Variants in RXRA observed in about 807,000 individuals in gnomAD.
The protein encoded by RXRA is retinoid X receptor alpha, also known as retinoic acid receptor RXR-alpha.
A neutral mutation model predicts 44.5 loss-of-function variants in RXRA; 5 were observed. The ratio of observed to expected loss-of-function variants is 0.11; its 90% CI spans 0.06 to 0.24. The LOEUF (loss-of-function observed/expected upper bound fraction) is 0.24. Ranked by LOEUF, RXRA falls within the 10% of genes least tolerant of loss-of-function variation. The pLI, the probability that RXRA is intolerant of heterozygous loss-of-function variation, is 1.00. For missense variants in RXRA, 412 were observed against 646.5 expected (o/e 0.64, Z 3.93); for synonymous variants, 291 against 271.4 (o/e 1.07, Z -0.71).
intron 1 of RXRA, among the ~76,000 whole-genome samples, chr9:134,381,983 T>G (rs1358911933): frequency 2.0e-5 from 3 of 152,126 alleles, no homozygotes; most frequent in African/African-American, 7.2e-5. Flanking sequence ...TAGCAGTCAG[T>G]GTGCCCTCCC....
At chr9:134,393,556 C>T (rs911401118) in intron 1 of RXRA, among the ~76,000 whole-genome samples, 13 of 152,186 alleles carry the variant, frequency 8.5e-5, no homozygotes, top group South Asian at 4.1e-4. Context: ...CTGCAAGACT[C>T]GGGGAAGGTG....
chr9:134,422,027 C>G, intron 6 of RXRA: 1 of 1,435,600 alleles, frequency 7.0e-7, no homozygotes, highest in South Asian at 1.3e-5. Context: ...CTCCCCCCTC[C>G]CTGGATGCTC....
At chr9:134,427,769 C>T (rs914986540) in intron 6 of RXRA, among the ~76,000 whole-genome samples, 1 of 152,238 alleles carries the variant, frequency 6.6e-6, no homozygotes, top group Non-Finnish European at 1.5e-5. Context: ...ATCACTTACC[C>T]CCTCATGCCT....
At chr9:134,414,233 G>C (rs765055593) in intron 4 of RXRA, among the ~76,000 whole-genome samples, 5 of 152,262 alleles carry the variant, frequency 3.3e-5, no homozygotes, top group Admixed American at 2.6e-4. Flanking sequence ...GGAGGAGGCA[G>C]GTGCCAAGGA....
chr9:134,379,720 G>A lies in RXRA; in HGVS notation c.29-21912G>A, dbSNP rs1041107934. The A allele has an allele frequency of 5.1e-6, 5 of 985,294 alleles. No individual in the cohort carries two copies. The East Asian group carries it at 4.5e-4, about 89-fold the overall frequency. 61.0% of individuals were successfully genotyped at this position (985,294 alleles called of 1,614,324 possible). On this transcript the variant is annotated intron_variant, in intron 1 of 9. Transcript: ENST00000481739. ...ATGAGAAAACCTGAGGCCCAGCCTG[G>A]GCGGGTTCGTGGGTCCAGCTCAGCC... is the stretch of plus-strand genomic sequence containing the variant.
At chr9:134,361,311 G>A (rs1039674009) in intron 1 of RXRA, among the ~76,000 whole-genome samples, 2 of 152,188 alleles carry the variant, frequency 1.3e-5, no homozygotes, top group Non-Finnish European at 2.9e-5. Context: ...AGCCCTGCCT[G>A]CCATGCCTCC....
chr9:134,385,486 G>A (rs968809624), intron 1 of RXRA, among the ~76,000 whole-genome samples: 1 of 152,204 alleles, frequency 6.6e-6, no homozygotes, highest in African/African-American at 2.4e-5. Context: ...GTGACTCCCT[G>A]CTTGTTTCCT....
chr9:134,339,690 T>C (rs1316918634), intron 1 of RXRA, among the ~76,000 whole-genome samples: 26 of 150,004 alleles, frequency 1.7e-4, no homozygotes, highest in Non-Finnish European at 3.6e-4. Context: ...TGTGTGTGTG[T>C]CTCTGTGTGT....
chr9:134,354,953 C>G (rs1830265486), intron 1 of RXRA, among the ~76,000 whole-genome samples: 1 of 152,216 alleles, frequency 6.6e-6, no homozygotes, highest in Admixed American at 6.5e-5. Flanking sequence ...GGAGCCTGTC[C>G]TGGAGTTCTG....
rs34517291 is a variant in RXRA, at chr9:134,426,868, C to T, written c.911-2240C>T. 1.1e-3 allele frequency: 1,092 copies of T among 985,386 alleles called. 16 individuals are homozygous for T. In the African/African-American group the frequency reaches 0.016, roughly 14 times the overall value. The allele number at this position is 985,386 out of a possible 1,614,324, so 61.0% of individuals were successfully genotyped here. ...CCCCCTGGGTCCCTGCCCTTGGCCA[C>T]AGGAAGTCTGTCCACACTGGGCCTG... On this transcript the variant is annotated intron_variant, in intron 6 of 9. Coordinates refer to ENST00000481739, the MANE Select transcript of RXRA (RefSeq NM_002957.6). The surrounding 1 kb of genome is among the most constrained non-coding windows in gnomAD (Gnocchi z 4.6).
chr9:134,412,560 T>C (rs1831166484), intron 4 of RXRA, among the ~76,000 whole-genome samples: 1 of 152,170 alleles, frequency 6.6e-6, no homozygotes, highest in Non-Finnish European at 1.5e-5. Context: ...GGTTGGGCAA[T>C]GGGGCCTGCA....
chr9:134,425,999 C>T, intron 6 of RXRA: 1 of 985,280 alleles, frequency 1.0e-6, no homozygotes, highest in Non-Finnish European at 1.2e-6. Context: ...TGTGCTGTTC[C>T]TTCCGGAAGC....
intron 1 of RXRA, among the ~76,000 whole-genome samples, chr9:134,377,155 G>C (rs1056088365): frequency 1.3e-5 from 2 of 152,204 alleles, no homozygotes; most frequent in Non-Finnish European, 2.9e-5. Context: ...CATCCGTGCT[G>C]GGCACTGACA....
intron 1 of RXRA, among the ~76,000 whole-genome samples, chr9:134,382,381 C>G (rs534679404): frequency 1.5e-3 from 233 of 151,926 alleles, no homozygotes; most frequent in Non-Finnish European, 2.8e-3. Context: ...CCTGGGGAGA[C>G]AGTGGGGGCC....
intron 1 of RXRA, among the ~76,000 whole-genome samples, chr9:134,397,527 C>A (rs1830897841): frequency 6.6e-6 from 1 of 151,836 alleles, no homozygotes; most frequent in Non-Finnish European, 1.5e-5. Context: ...TCTGTGCAGT[C>A]TTCCTGGATA....
chr9:134,340,370 ACCAGTGATG>A (rs1301190007), intron 1 of RXRA, among the ~76,000 whole-genome samples: 25 of 152,136 alleles, frequency 1.6e-4, no homozygotes, highest in Non-Finnish European at 4.4e-5. Flanking sequence ...TTTGGGGCAG[ACCAGTGATG>A]CCACCCACTG....
intron 7 of RXRA, among the ~76,000 whole-genome samples, chr9:134,431,630 G>A (rs1216428283): frequency 2.0e-5 from 3 of 152,190 alleles, no homozygotes; most frequent in East Asian, 1.9e-4. Flanking sequence ...TTAGCACCTC[G>A]GTTCCCAGAA....
At chr9:134,427,863 G>A (rs941340795) in intron 6 of RXRA, among the ~76,000 whole-genome samples, 4 of 152,206 alleles carry the variant, frequency 2.6e-5, no homozygotes, top group Admixed American at 6.5e-5. Flanking sequence ...TGACAGTGTC[G>A]GCCATAGAGG....
chr9:134,379,482 C>T (rs1423566198), intron 1 of RXRA: 19 of 986,586 alleles, frequency 1.9e-5, no homozygotes, highest in Non-Finnish European at 2.2e-5. Context: ...CCCCCAGGAC[C>T]GAGTCGCTGC....
Sources: gnomAD v4.1 joint callset for allele counts (sites outside exome capture counted in the v4.1 genomes callset) on GRCh38, gnomAD v4.1.1 for gene constraint, Gnocchi (gnomAD v3.1) non-coding constraint, MANE v1.5 for transcripts, NCBI Gene and HGNC (gene_info 2026-07-23, HGNC 2026-07-21) for gene names.